PTPRM: variants seen among roughly 807,000 people sequenced by gnomAD.
PTPRM encodes the protein receptor-type tyrosine-protein phosphatase mu.
PTPRM carries 47 observed loss-of-function variants against 186.7 expected under a neutral mutation model. The observed-to-expected ratio is 0.25, with a 90% CI of 0.20 to 0.32. PTPRM has a LOEUF of 0.32. Among genes scored for constraint, PTPRM ranks in the 10% least tolerant of loss-of-function variants. The pLI is 1.00. For missense variants in PTPRM, 1,494 were observed against 1,865.0 expected (o/e 0.80, Z 3.66); for synonymous variants, 668 against 674.9 (o/e 0.99, Z 0.16).
intron 19 of PTPRM, among the ~76,000 whole-genome samples, chr18:8,286,092 G>T (rs117562363): frequency 0.03 from 4,570 of 152,312 alleles, 115 homozygotes; most frequent in Non-Finnish European, 0.042. Flanking sequence ...GTGAGGGGAT[G>T]AGGGAAGTGC....
chr18:8,094,922 T>C (rs1461351796), intron 11 of PTPRM, among the ~76,000 whole-genome samples: 1 of 152,182 alleles, frequency 6.6e-6, no homozygotes, highest in African/African-American at 2.4e-5. Context: ...CCAGGCTCTC[T>C]CCACTTGTAG....
chr18:8,174,415 T>C (rs961199777), intron 14 of PTPRM, among the ~76,000 whole-genome samples: 2 of 152,224 alleles, frequency 1.3e-5, no homozygotes, highest in African/African-American at 2.4e-5. Flanking sequence ...CTCACTGTTA[T>C]AATTTTTGCA....
chr18:8,404,938 A>C (rs1340062050), intron 32 of PTPRM: 1 of 152,286 alleles, frequency 6.6e-6, no homozygotes, highest in Non-Finnish European at 1.5e-5. Context: ...ACCACACCTC[A>C]GCCAGGACCT....
At chr18:8,259,885 G>C (rs2094610602) in intron 19 of PTPRM, among the ~76,000 whole-genome samples, 1 of 152,106 alleles carries the variant, frequency 6.6e-6, no homozygotes, top group South Asian at 2.1e-4. Flanking sequence ...TCAGGTATCT[G>C]CCCATCTTGG....
intron 1 of PTPRM, among the ~76,000 whole-genome samples, chr18:7,611,671 A>C (rs911223806): frequency 6.6e-5 from 10 of 152,124 alleles, no homozygotes; most frequent in Non-Finnish European, 1.3e-4. Flanking sequence ...GAGGTAATTG[A>C]ATCATGGGGG....
chr18:7,949,045 AC>A (rs1476966669), intron 5 of PTPRM, 135 bp from the exon 6 acceptor site: 40 of 752,604 alleles, frequency 5.3e-5, no homozygotes, highest in Middle Eastern at 4.0e-4. Flanking sequence ...TCCTGGTACA[AC>A]TGCCCATGGG....
intron 14 of PTPRM, among the ~76,000 whole-genome samples, chr18:8,202,396 T>G (rs1316494304): frequency 6.6e-6 from 1 of 152,184 alleles, no homozygotes; most frequent in Non-Finnish European, 1.5e-5. Flanking sequence ...CTAGTTATCA[T>G]ATTTCTGTTC....
At chr18:7,920,689 G>T (rs192704415) in intron 4 of PTPRM, among the ~76,000 whole-genome samples, 1 of 151,992 alleles carries the variant, frequency 6.6e-6, no homozygotes, top group Admixed American at 6.5e-5. Flanking sequence ...ATTATCCGTG[G>T]GTTTTATATA....
chr18:7,580,949 T>C (rs2036829177), intron 1 of PTPRM, among the ~76,000 whole-genome samples: 1 of 152,252 alleles, frequency 6.6e-6, no homozygotes, highest in Non-Finnish European at 1.5e-5. Flanking sequence ...ATCCGTATGA[T>C]GACCTTCTGG....
Position 7,774,014 on chromosome 18 carries a change from C to CG in PTPRM, c.74-135_74-134insG, listed in dbSNP as rs2042462545. On this transcript the variant is annotated intron_variant, in intron 1 of 32. Coordinates refer to ENST00000580170, the MANE Select transcript of PTPRM (RefSeq NM_001105244.2). ...ATCACTAAGTGTTGGATGCACAGCT[C>CG]CTGAGTGGAAAGACCTAATCAGATT... The CG allele has an allele frequency of 1.2e-5, 10 of 835,298 alleles. No homozygotes were observed. The East Asian group carries it at 2.7e-4, about 22-fold the overall frequency. The allele number at this position is 835,298 out of a possible 1,614,324, so 51.7% of individuals were successfully genotyped here. A position where few individuals can be genotyped will look rare whatever the true frequency, so the allele number is the denominator to read the frequency against.
rs779207273 is a variant in PTPRM at position 8,314,871 on chromosome 18, TA to T, written c.2919+15del. 25 of 1,501,566 alleles carry T rather than the reference TA, an allele frequency of 1.7e-5. No homozygotes were observed. Among genetic ancestry groups the T allele is most frequent in the Non-Finnish European group, 2.3e-5 (25 of 1,088,184 alleles). The allele number at this position is 1,501,566 out of a possible 1,614,324, so 93.0% of individuals were successfully genotyped here. On this transcript the variant is annotated intron_variant, in intron 21 of 32. Transcript: ENST00000580170. The stretch of plus-strand genomic sequence containing the variant: ...AATTATATCGATGTATGTATTTTAT[TA>T]TTTTTAATTGATATATAATTGTTGT...
At chr18:7,779,016 T>A (rs1025048144) in intron 2 of PTPRM, among the ~76,000 whole-genome samples, 20 of 152,192 alleles carry the variant, frequency 1.3e-4, no homozygotes, top group Non-Finnish European at 1.5e-5. Flanking sequence ...AGTGTTCCAG[T>A]TCTATATAAT....
At chr18:7,881,741 G>A (rs546766267) in intron 2 of PTPRM, among the ~76,000 whole-genome samples, 2 of 152,228 alleles carry the variant, frequency 1.3e-5, no homozygotes, top group South Asian at 4.2e-4. Flanking sequence ...GATGTACGTG[G>A]TGATTCCATG....
At chr18:8,189,846 A>T (rs891708995) in intron 14 of PTPRM, among the ~76,000 whole-genome samples, 18 of 152,228 alleles carry the variant, frequency 1.2e-4, no homozygotes, top group African/African-American at 3.9e-4. Context: ...ATTGACGTAT[A>T]ATTTGTTTGC....
At chr18:8,274,048 C>G (rs1057056758) in intron 19 of PTPRM, among the ~76,000 whole-genome samples, 2 of 152,212 alleles carry the variant, frequency 1.3e-5, no homozygotes, top group Non-Finnish European at 2.9e-5. Flanking sequence ...CCAGGTAGCA[C>G]TAGTACTTCT....
chr18:7,829,440 A>C (rs1359975001), intron 2 of PTPRM, among the ~76,000 whole-genome samples: 3 of 152,204 alleles, frequency 2.0e-5, no homozygotes, highest in African/African-American at 7.2e-5. Context: ...CCAAAACTAG[A>C]TTACTAACTT....
chr18:8,299,358 G>A (rs2095130718), intron 20 of PTPRM, among the ~76,000 whole-genome samples: 2 of 152,088 alleles, frequency 1.3e-5, no homozygotes, highest in South Asian at 2.1e-4. Flanking sequence ...AGGCTGAGGC[G>A]GGTGGATTAC....
At chr18:7,881,439 G>A (rs1450324000) in intron 2 of PTPRM, among the ~76,000 whole-genome samples, 3 of 152,206 alleles carry the variant, frequency 2.0e-5, no homozygotes, top group Non-Finnish European at 4.4e-5. Flanking sequence ...CCGTCTTGGA[G>A]TAGGGCAGCG....
intron 11 of PTPRM, among the ~76,000 whole-genome samples, chr18:8,103,916 G>A (rs1225075006): frequency 6.6e-6 from 1 of 152,142 alleles, no homozygotes; most frequent in Non-Finnish European, 1.5e-5. Flanking sequence ...AAAGGCCATT[G>A]TATGGTTATC....
Sources: allele counts gnomAD v4.1 joint callset (sites outside exome capture counted in the v4.1 genomes callset), GRCh38; gene constraint gnomAD v4.1.1; transcripts MANE v1.5; gene names NCBI Gene and HGNC (gene_info 2026-07-23, HGNC 2026-07-21).